DOCK8: variants seen among roughly 807,000 people sequenced by gnomAD.
DOCK8 encodes the protein dedicator of cytokinesis protein 8.
A neutral mutation model predicts 245.6 loss-of-function variants in DOCK8; 141 were observed. The observed-to-expected ratio is 0.57, with a 90% CI of 0.50 to 0.66. The LOEUF (loss-of-function observed/expected upper bound fraction) is 0.66, where lower values mean the gene tolerates loss of function less well. Ranked by LOEUF, DOCK8 falls within the 30% of genes least tolerant of loss-of-function variation. The pLI is 0.00. For synonymous variants in DOCK8, 1,168 were observed against 970.2 expected (o/e 1.20, Z -3.79); for missense variants, 2,965 against 2,603.4 (o/e 1.14, Z -3.02).
chr9:342,228 A>T (rs1305195182), intron 14 of DOCK8, among the ~76,000 whole-genome samples: 1 of 150,564 alleles, frequency 6.6e-6, no homozygotes, highest in Admixed American at 6.6e-5. Context: ...AAGGTTGAGG[A>T]TTGCTGCTCT....
intron 28 of DOCK8, among the ~76,000 whole-genome samples, chr9:412,095 CA>C (rs971689039): frequency 1.3e-5 from 2 of 151,802 alleles, no homozygotes; most frequent in Non-Finnish European, 2.9e-5. Context: ...GGCAATTAGG[CA>C]AAAAAATAAA....
At chr9:405,890 A>G (rs1266715995) in intron 27 of DOCK8, among the ~76,000 whole-genome samples, 2 of 152,202 alleles carry the variant, frequency 1.3e-5, no homozygotes, top group Non-Finnish European at 2.9e-5. Context: ...AAATGTATAA[A>G]CTTTTTGCTC....
intron 24 of DOCK8, among the ~76,000 whole-genome samples, chr9:391,819 A>ATTTTTT (rs1453100811): frequency 2.3e-5 from 3 of 130,752 alleles, no homozygotes; most frequent in African/African-American, 9.3e-5. Flanking sequence ...CATTAAGTGA[A>ATTTTTT]TCTTTTTTTT....
chr9:462,372 G>A (rs539058584), intron 46 of DOCK8, among the ~76,000 whole-genome samples: 72 of 152,312 alleles, frequency 4.7e-4, no homozygotes, highest in African/African-American at 1.6e-3. Flanking sequence ...TTCTCAATAT[G>A]ACTTTCTTTT....
intron 37 of DOCK8, among the ~76,000 whole-genome samples, chr9:432,956 G>T (rs561075505): frequency 6.6e-6 from 1 of 152,314 alleles, no homozygotes; most frequent in South Asian, 2.1e-4. Context: ...TTTAACTCCA[G>T]CTCCTAGCCT....
intron 24 of DOCK8, among the ~76,000 whole-genome samples, chr9:391,282 T>C (rs991973444): frequency 6.6e-6 from 1 of 152,180 alleles, no homozygotes; most frequent in Non-Finnish European, 1.5e-5. Context: ...TTATCCTCCT[T>C]CTGAGCACCC....
intron 4 of DOCK8, among the ~76,000 whole-genome samples, chr9:292,547 A>G (rs1211174451): frequency 4.7e-5 from 7 of 149,948 alleles, no homozygotes; most frequent in Non-Finnish European, 1.0e-4. Context: ...TCTTTCTTCT[A>G]TATATTTCTT....
In DOCK8 at chr9:263,313, A is replaced by G. The variant is rs766526028; in HGVS notation, c.54-8314A>G. Among the ~76,000 whole-genome samples the G allele has an allele frequency of 9.3e-4, 142 of 152,108 alleles. 6 individuals are homozygous for G. The highest frequency in any genetic ancestry group is 1.7e-3 in the South Asian group (8 of 4,816). On this transcript the variant is annotated intron_variant, in intron 1 of 47. Coordinates refer to ENST00000432829, the MANE Select transcript of DOCK8 (RefSeq NM_203447.4). Reference sequence around the variant, plus strand: ...TGTTTCTTGTTGCTATAGTCATTACAACAATACATGTTTGACTTATTAGAA... The same window carrying G: ...TGTTTCTTGTTGCTATAGTCATTACGACAATACATGTTTGACTTATTAGAA...
intron 45 of DOCK8, among the ~76,000 whole-genome samples, chr9:451,028 C>T (rs142694819): frequency 1.5e-4 from 23 of 152,036 alleles, no homozygotes; most frequent in South Asian, 1.2e-3. Context: ...AAATAATATT[C>T]GGCGCCAGGC....
At chr9:215,374 G>T in intron 1 of DOCK8, 1 of 1,591,906 alleles carries the variant, frequency 6.3e-7, no homozygotes. Flanking sequence ...TAACCGTGTT[G>T]GGCGCGCCAC....
rs766322479 is a variant in DOCK8, at chr9:379,868, C to T, written c.2538C>T (p.Cys846=). 1.2e-6 allele frequency: 2 copies of T among 1,614,242 alleles called. No individual in the cohort carries two copies. Among genetic ancestry groups the T allele is most frequent in the Non-Finnish European group, 1.7e-6 (2 of 1,180,036 alleles). ...GCAAGGACCAGCATGGGAGGAACTGCCTGCTGGCTTCCTACGTGCACTACG... is the reference window on the plus strand; with the variant it reads ...GCAAGGACCAGCATGGGAGGAACTGTCTGCTGGCTTCCTACGTGCACTACG... ...DLSKDQHGRN[C]LLASYVHYVF... Residue 846 remains cysteine (C), a synonymous_variant, in exon 21 of 48, where the codon TGC becomes TGT. Coordinates refer to ENST00000432829, the MANE Select transcript of DOCK8 (RefSeq NM_203447.4).
At position 350,106 on chromosome 9, in the gene DOCK8, C is replaced by T. The variant is rs72703506; in HGVS notation, c.1679+9785C>T. Among the ~76,000 whole-genome samples, 481 of 152,118 alleles carry T rather than the reference C, an allele frequency of 3.2e-3. 2 individuals carry two copies. The highest frequency in any genetic ancestry group is 5.6e-3 in the Non-Finnish European group (384 of 67,994). On this transcript the variant is annotated intron_variant, in intron 14 of 47. Coordinates refer to ENST00000432829, the MANE Select transcript of DOCK8 (RefSeq NM_203447.4). ...AAACTTGGAGTTCTGTTTTCTCATG[C>T]CCTTCTTTCATTTTCTTCTTTTAAG...
chr9:325,830 T>C, intron 8 of DOCK8, 93 bp downstream of exon 8: 1 of 1,214,276 alleles, frequency 8.2e-7, no homozygotes, highest in Non-Finnish European at 1.2e-6. Flanking sequence ...AGCAAGAACC[T>C]ATCAGATTTG....
chr9:329,213 A>C (rs1281170729), intron 9 of DOCK8, among the ~76,000 whole-genome samples: 2 of 152,124 alleles, frequency 1.3e-5, no homozygotes, highest in Admixed American at 1.3e-4. Context: ...TTGGTTCCCA[A>C]AGTGTTGGGA....
chr9:233,199 G>A (rs2047160004), intron 1 of DOCK8, among the ~76,000 whole-genome samples: 1 of 152,100 alleles, frequency 6.6e-6, no homozygotes, highest in Admixed American at 6.5e-5. Context: ...CCATGTAGTT[G>A]AGCGGTTTTG....
intron 1 of DOCK8, among the ~76,000 whole-genome samples, chr9:217,591 C>T (rs964944102): frequency 2.6e-5 from 4 of 152,088 alleles, no homozygotes; most frequent in African/African-American, 9.7e-5. Flanking sequence ...TTGAAGCACT[C>T]TGTGTGTTGT....
chr9:229,920 A>G (rs890927923), intron 1 of DOCK8, among the ~76,000 whole-genome samples: 9 of 151,486 alleles, frequency 5.9e-5, no homozygotes, highest in African/African-American at 1.9e-4. Flanking sequence ...TATTATTATT[A>G]TACTTTAAGT....
chr9:410,260 C>T lies in DOCK8; in HGVS notation c.3530+3191C>T, dbSNP rs372104434. Among the ~76,000 whole-genome samples, 110 of 152,324 alleles carry T rather than the reference C, an allele frequency of 7.2e-4. 2 individuals are homozygous for T. In the South Asian group the frequency reaches 0.022, roughly 31 times the overall value. ...ATATTCCATTATCCTCTCTCAGTTA[C>T]AGGCCCCCCTCAAGTAACCACTATT... On this transcript the variant is annotated intron_variant, in intron 28 of 47. Transcript: ENST00000432829.
chr9:383,468 G>A (rs1441283925), intron 22 of DOCK8, among the ~76,000 whole-genome samples: 1 of 152,154 alleles, frequency 6.6e-6, no homozygotes, highest in Non-Finnish European at 1.5e-5. Flanking sequence ...GGAGGCAGAG[G>A]TTGCAGTGAG....
Sources: gnomAD v4.1 joint callset for allele counts (sites outside exome capture counted in the v4.1 genomes callset) on GRCh38, gnomAD v4.1.1 for gene constraint, MANE v1.5 for transcripts, NCBI Gene and HGNC (gene_info 2026-07-23, HGNC 2026-07-21) for gene names.